Variants in ENPP3 observed in about 807,000 individuals in gnomAD.
The protein encoded by ENPP3 is ectonucleotide pyrophosphatase/phosphodiesterase family member 3.
A neutral mutation model predicts 117.8 loss-of-function variants in ENPP3; 104 were observed. That is an observed-to-expected ratio of 0.88 (90% CI 0.75 to 1.04). The LOEUF (loss-of-function observed/expected upper bound fraction) is 1.04, where lower values mean the gene tolerates loss of function less well. ENPP3 is among the 50% of genes least tolerant of loss of function. The pLI, the probability that ENPP3 is intolerant of heterozygous loss-of-function variation, is 0.00. For missense variants in ENPP3, 1,026 were observed against 1,051.9 expected (o/e 0.98, Z 0.34); for synonymous variants, 380 against 349.9 (o/e 1.09, Z -0.96).
At chr6:131,712,335 G>A (rs1186345553) in intron 15 of ENPP3, among the ~76,000 whole-genome samples, 1 of 147,376 alleles carries the variant, frequency 6.8e-6, no homozygotes, top group Non-Finnish European at 1.5e-5. Context: ...GGCAGAATTT[G>A]TAATTACTTG....
intron 5 of ENPP3, 94 bp from the exon 6 acceptor site, chr6:131,658,229 T>C: frequency 1.4e-6 from 1 of 700,856 alleles, no homozygotes; most frequent in South Asian, 1.7e-5. Flanking sequence ...CCCAATTATT[T>C]TACCTTAAAC....
intron 6 of ENPP3, among the ~76,000 whole-genome samples, chr6:131,669,117 A>G (rs1778684596): frequency 6.6e-6 from 1 of 152,156 alleles, no homozygotes; most frequent in African/African-American, 2.4e-5. Context: ...AACTGACTTT[A>G]TGTATCTGTT....
At chr6:131,736,867 G>C (rs866271915) in intron 21 of ENPP3, among the ~76,000 whole-genome samples, 84 of 152,218 alleles carry the variant, frequency 5.5e-4, no homozygotes, top group African/African-American at 1.8e-3. Context: ...CTTTTTGAAG[G>C]CTCTAGGGGA....
Position 131,693,562 on chromosome 6 carries a change from T to G in ENPP3, c.1350T>G (p.Tyr450Ter). Residue 450 changes from tyrosine (Y) to a stop codon, truncating the protein, a stop_gained, in exon 15 of 25, where the codon TAT (tyrosine) becomes TAG (stop). Coordinates refer to ENST00000357639, the MANE Select transcript of ENPP3 (RefSeq NM_005021.5). LOFTEE classifies it high-confidence loss of function. The part of the protein sequence containing the change: ...LTPDLPKRLH[Y>*]AKNVRIDKVH... ...CTGATTTGCCAAAGCGACTGCACTA[T>G]GCCAAGAACGTCAGAATCGACAAAG... The G allele has an allele frequency of 1.9e-6, 3 of 1,614,022 alleles. No individual in the cohort carries two copies. Among genetic ancestry groups the G allele is most frequent in the Non-Finnish European group, 1.7e-6 (2 of 1,179,932 alleles).
intron 15 of ENPP3, among the ~76,000 whole-genome samples, chr6:131,697,024 C>G (rs549746198): frequency 1.3e-5 from 2 of 152,320 alleles, no homozygotes; most frequent in East Asian, 3.9e-4. Flanking sequence ...CCTCCTTGGT[C>G]TCCCAGTGCC....
In ENPP3 at chr6:131,724,231, A is replaced by AAAAAAAAACAAAAAAAC. The variant is rs1352219771; in HGVS notation, c.1798+149_1798+150insAAAAAAACAAAAAAAAC. 2.1e-5 allele frequency: 13 copies of AAAAAAAAACAAAAAAAC among 609,106 alleles called. 1 individual carries two copies. The African/African-American group carries it at 2.4e-4, about 11-fold the overall frequency. 37.7% of individuals were successfully genotyped at this position (609,106 alleles called of 1,614,324 possible). On this transcript the variant is annotated intron_variant, in intron 19 of 24. Coordinates refer to ENST00000357639, the MANE Select transcript of ENPP3 (RefSeq NM_005021.5). ...TATTGCCAATATACAAAAGGTAAAA[A>AAAAAAAAACAAAAAAAC]AAAAAAAACTCACAACAGATATAAT...
chr6:131,724,194 A>C, intron 19 of ENPP3, 103 bp downstream of exon 19: 1 of 665,180 alleles, frequency 1.5e-6, no homozygotes, highest in Non-Finnish European at 2.4e-6. Context: ...AGGTTCCTGA[A>C]CATAAAGATT....
chr6:131,655,310 AT>A (rs1395449690), intron 5 of ENPP3, among the ~76,000 whole-genome samples: 4 of 152,254 alleles, frequency 2.6e-5, no homozygotes, highest in Non-Finnish European at 5.9e-5. Flanking sequence ...CACAATAGTC[AT>A]CTTACATGTT....
At chr6:131,719,096 G>C (rs1053585535) in intron 16 of ENPP3, among the ~76,000 whole-genome samples, 2 of 152,114 alleles carry the variant, frequency 1.3e-5, no homozygotes, top group African/African-American at 4.8e-5. Flanking sequence ...AAGTAAAGGA[G>C]AGTAAGGGAG....
At chr6:131,741,763 A>G (rs1780532295) in intron 24 of ENPP3, among the ~76,000 whole-genome samples, 8 of 152,154 alleles carry the variant, frequency 5.3e-5, no homozygotes, top group Admixed American at 5.2e-4. Flanking sequence ...TAAGCTAAGG[A>G]TAGGCATTTT....
chr6:131,668,337 C>G (rs537106704), intron 6 of ENPP3, among the ~76,000 whole-genome samples: 134 of 148,788 alleles, frequency 9.0e-4, no homozygotes, highest in African/African-American at 2.4e-3. Context: ...CTCGCCCCCC[C>G]CTGAGGATCT....
At chr6:131,645,155 C>G (rs1408601444) in intron 2 of ENPP3, among the ~76,000 whole-genome samples, 1 of 152,242 alleles carries the variant, frequency 6.6e-6, no homozygotes, top group Non-Finnish European at 1.5e-5. Context: ...GCTTTAGTTC[C>G]TCACAATCAC....
At chr6:131,686,989 CT>C (rs1779167464) in intron 14 of ENPP3, among the ~76,000 whole-genome samples, 1 of 152,094 alleles carries the variant, frequency 6.6e-6, no homozygotes, top group African/African-American at 2.4e-5. Context: ...GTTTATGTGT[CT>C]TTTTGGTAGA....
At chr6:131,737,250 G>A (rs1585736932) in intron 21 of ENPP3, 105 bp from the exon 22 acceptor site, 1 of 684,890 alleles carries the variant, frequency 1.5e-6, no homozygotes, top group East Asian at 2.7e-5. Flanking sequence ...TCTGTGCTTT[G>A]ACTGTTAATA....
intron 2 of ENPP3, among the ~76,000 whole-genome samples, chr6:131,642,448 G>A (rs1778067353): frequency 6.6e-6 from 1 of 152,088 alleles, no homozygotes; most frequent in Non-Finnish European, 1.5e-5. Context: ...ATTATGGAGA[G>A]TAAATGCACC....
chr6:131,650,023 G>T lies in ENPP3; in HGVS notation c.155-4G>T. Reference sequence around the variant, plus strand: ...GTTCGGGCCCTATTTCCTTTACTTTGTAGGCAGCTGCAGGAAGAAGTGCTT... The same window carrying T: ...GTTCGGGCCCTATTTCCTTTACTTTTTAGGCAGCTGCAGGAAGAAGTGCTT... On this transcript the variant is annotated splice_region_variant and splice_polypyrimidine_tract_variant and intron_variant, in intron 2 of 24. Transcript: ENST00000357639. 20 of 1,613,754 alleles carry T rather than the reference G, an allele frequency of 1.2e-5. No individual in the cohort carries two copies. Among genetic ancestry groups the T allele is most frequent in the Non-Finnish European group, 1.7e-5 (20 of 1,179,834 alleles).
At position 131,726,104 on chromosome 6, in the gene ENPP3, C is replaced by T. The variant is rs111560852; in HGVS notation, c.1857C>T (p.Asn619=). 2.4e-4 allele frequency: 383 copies of T among 1,612,962 alleles called. 1 individual carries two copies. The East Asian group carries it at 2.4e-3, about 10-fold the overall frequency. ...PFGRPRVLQK[N]VDHCLLYHRE... is the part of the protein sequence containing the mutation. ...GGAGGCCTAGGGTACTGCAGAAGAA[C>T]GTGGACCACTGTCTCCTTTACCACA... The change falls in exon 20 of 25, where the codon AAC becomes AAT. Residue 619 remains asparagine (N), a synonymous_variant. Coordinates refer to ENST00000357639, the MANE Select transcript of ENPP3 (RefSeq NM_005021.5).
At chr6:131,722,059 T>C (rs1159943547) in intron 17 of ENPP3, among the ~76,000 whole-genome samples, 168 bp from the exon 18 acceptor site, 1 of 152,146 alleles carries the variant, frequency 6.6e-6, no homozygotes, top group Admixed American at 6.6e-5. Flanking sequence ...ATTGAAACCA[T>C]GGAGAAGAAA....
chr6:131,652,931 C>G, intron 5 of ENPP3, 40 bp downstream of exon 5: 1 of 1,323,240 alleles, frequency 7.6e-7, no homozygotes, highest in Non-Finnish European at 1.1e-6. Flanking sequence ...CCTCCTTTAA[C>G]AAAGGTGCAC....
Sources: allele counts gnomAD v4.1 joint callset (sites outside exome capture counted in the v4.1 genomes callset), GRCh38; gene constraint gnomAD v4.1.1; transcripts MANE v1.5; gene names NCBI Gene and HGNC (gene_info 2026-07-23, HGNC 2026-07-21).